The following PDE10A variants were observed in gnomAD, a reference collection of about 807,000 sequenced individuals.
PDE10A encodes phosphodiesterase 10A, also known as cAMP and cAMP-inhibited cGMP 3',5'-cyclic phosphodiesterase 10A.
A neutral mutation model predicts 97.7 loss-of-function variants in PDE10A; 39 were observed. The ratio of observed to expected loss-of-function variants is 0.40; its 90% CI spans 0.31 to 0.52. The LOEUF is 0.52. Among genes scored for constraint, PDE10A ranks in the 20% least tolerant of loss-of-function variants. PDE10A has a pLI of 0.56. For missense variants in PDE10A, 731 were observed against 1,047.8 expected, an observed-to-expected ratio of 0.70 and a Z score of 4.17; for synonymous variants, 371 against 376.8, an observed-to-expected ratio of 0.98 and a Z score of 0.18.
At chr6:165,777,812 C>T (rs879735494) in intron 1 of PDE10A, among the ~76,000 whole-genome samples, 4 of 152,104 alleles carry the variant, frequency 2.6e-5, no homozygotes, top group Admixed American at 6.5e-5. Context: ...TCATCAAGTC[C>T]GGAATTGGAA....
intron 1 of PDE10A, among the ~76,000 whole-genome samples, chr6:165,724,436 C>T (rs919929906): frequency 6.6e-6 from 1 of 152,132 alleles, no homozygotes; most frequent in Non-Finnish European, 1.5e-5. Context: ...TTATGATAGG[C>T]CTTCATACAG....
chr6:165,715,808 G>A (rs1792013071), intron 1 of PDE10A, among the ~76,000 whole-genome samples: 1 of 152,210 alleles, frequency 6.6e-6, no homozygotes, highest in Non-Finnish European at 1.5e-5. Flanking sequence ...TCAGAAGGCA[G>A]GGGTTAGACC....
chr6:165,577,095 C>G (rs1785347092), intron 1 of PDE10A, among the ~76,000 whole-genome samples: 1 of 152,228 alleles, frequency 6.6e-6, no homozygotes, highest in Admixed American at 6.5e-5. Context: ...GTGTGAGTAA[C>G]TGAATCCATC....
rs958371122 is a variant in PDE10A, at chr6:165,711,848, C to T, written c.-614-168280G>A. Reference sequence around the variant, plus strand: ...GTGTAAAATGCTTTAGCATAAACAGCGGGATGTAGGAGTGTGTTGGTTGGT... The same window carrying T: ...GTGTAAAATGCTTTAGCATAAACAGTGGGATGTAGGAGTGTGTTGGTTGGT... On this transcript the variant is annotated intron_variant, in intron 1 of 19. Coordinates refer to the PDE10A transcript ENST00000366882. The surrounding 1 kb of genome is among the most constrained non-coding windows in gnomAD (Gnocchi z 4.5). 3.3e-5 allele frequency among the ~76,000 whole-genome samples: 5 copies of T among 152,076 alleles called. No individual in the cohort carries two copies. Among genetic ancestry groups the T allele is most frequent in the Non-Finnish European group, 5.9e-5 (4 of 68,012 alleles).
At chr6:165,513,894 TGTGAA>T (rs375350188) in intron 2 of PDE10A, among the ~76,000 whole-genome samples, 6 of 152,290 alleles carry the variant, frequency 3.9e-5, no homozygotes, top group African/African-American at 1.4e-4. Flanking sequence ...TGTAGTTTTT[TGTGAA>T]GTGTTTTGAA....
At chr6:165,983,227 C>T (rs904207069) in intron 1 of PDE10A, among the ~76,000 whole-genome samples, 2 of 152,188 alleles carry the variant, frequency 1.3e-5, no homozygotes, top group Admixed American at 1.3e-4. Flanking sequence ...GAAACCAAAA[C>T]CATCTGAGTG....
chr6:165,484,449 T>C (rs977811350), intron 2 of PDE10A, among the ~76,000 whole-genome samples: 2 of 152,206 alleles, frequency 1.3e-5, no homozygotes, highest in East Asian at 3.8e-4. Flanking sequence ...TGGCATTAGA[T>C]TCTCATAGAG....
At chr6:165,878,893 A>T (rs1336950373) in intron 1 of PDE10A, among the ~76,000 whole-genome samples, 1 of 152,232 alleles carries the variant, frequency 6.6e-6, no homozygotes, top group African/African-American at 2.4e-5. Context: ...GCAAGAAAAC[A>T]GATTCTCCCT....
At chr6:165,505,506 G>C (rs1160814966) in intron 2 of PDE10A, among the ~76,000 whole-genome samples, 2 of 152,088 alleles carry the variant, frequency 1.3e-5, no homozygotes, top group Non-Finnish European at 2.9e-5. Flanking sequence ...TTACTAATAT[G>C]ATACTTTTTT....
chr6:165,873,378 T>C (rs1355023509), intron 1 of PDE10A, among the ~76,000 whole-genome samples: 4 of 152,246 alleles, frequency 2.6e-5, no homozygotes, highest in Non-Finnish European at 5.9e-5. Context: ...CCTGGGTTCC[T>C]GGCTCCCCTG....
chr6:165,691,106 T>TTCCC (rs1554305963), intron 1 of PDE10A, among the ~76,000 whole-genome samples: 12 of 39,128 alleles, frequency 3.1e-4, no homozygotes, highest in Admixed American at 9.8e-4. Flanking sequence ...TCTTTCTCTC[T>TTCCC]CCCCCCCCCC....
chr6:165,536,465 A>C (rs1297420295), intron 2 of PDE10A, among the ~76,000 whole-genome samples: 2 of 151,910 alleles, frequency 1.3e-5, no homozygotes, highest in African/African-American at 4.8e-5. Context: ...ACATGTGATC[A>C]CCTCAAGCTT....
At chr6:165,905,987 CCTT>C (rs1782252749) in intron 1 of PDE10A, among the ~76,000 whole-genome samples, 1 of 54,046 alleles carries the variant, frequency 1.9e-5, no homozygotes, top group Non-Finnish European at 3.7e-5. Context: ...TTTTCTCCTT[CCTT>C]CCTTCCTTCC....
chr6:165,983,196 G>A (rs867240953), intron 1 of PDE10A, among the ~76,000 whole-genome samples: 2 of 152,138 alleles, frequency 1.3e-5, no homozygotes, highest in African/African-American at 2.4e-5. Flanking sequence ...TAAGCAGGCC[G>A]GATCTATTAA....
chr6:165,473,586 G>C (rs1412061910), intron 3 of PDE10A, among the ~76,000 whole-genome samples: 3 of 151,674 alleles, frequency 2.0e-5, no homozygotes, highest in Middle Eastern at 3.4e-3. Context: ...CTATAATTAA[G>C]AGTGATGGAG....
chr6:165,946,449 GCGCCACTGCAC>G (rs1783768734), intron 1 of PDE10A, among the ~76,000 whole-genome samples: 1 of 150,838 alleles, frequency 6.6e-6, no homozygotes, highest in East Asian at 1.9e-4. Context: ...AGCCGAGATT[GCGCCACTGCAC>G]TCCAGCCTGG....
At chr6:165,474,970 A>G (rs1779215097) in intron 3 of PDE10A, among the ~76,000 whole-genome samples, 1 of 152,004 alleles carries the variant, frequency 6.6e-6, no homozygotes, top group African/African-American at 2.4e-5. Context: ...CCATCAAACA[A>G]CAGGAAAATT....
At chr6:165,625,714 C>T (rs1303502947) in intron 1 of PDE10A, among the ~76,000 whole-genome samples, 2 of 152,004 alleles carry the variant, frequency 1.3e-5, no homozygotes, top group Non-Finnish European at 2.9e-5. Flanking sequence ...TGCACAAATT[C>T]TCTCTTGCTG....
intron 1 of PDE10A, among the ~76,000 whole-genome samples, chr6:165,922,298 CCACTTGGCGGCA>C (rs1782778516): frequency 6.6e-6 from 1 of 152,164 alleles, no homozygotes; most frequent in African/African-American, 2.4e-5. Context: ...CCAAGCCCAA[CCACTTGGCGGCA>C]CACAGAGTCT....
Sources: allele counts gnomAD v4.1 joint callset (sites outside exome capture counted in the v4.1 genomes callset), GRCh38; gene constraint gnomAD v4.1.1; non-coding constraint Gnocchi (gnomAD v3.1); transcripts MANE v1.5; gene names NCBI Gene and HGNC (gene_info 2026-07-23, HGNC 2026-07-21).